PAK2: variants seen among roughly 807,000 people sequenced by gnomAD.
PAK2 encodes the protein serine/threonine-protein kinase PAK 2.
In PAK2, 21 loss-of-function variants were observed where a neutral mutation model predicts 65.9. The observed-to-expected ratio is 0.32, with a 90% CI of 0.23 to 0.46. The LOEUF (loss-of-function observed/expected upper bound fraction) is 0.46, where lower values mean the gene tolerates loss of function less well. Among genes scored for constraint, PAK2 ranks in the 20% least tolerant of loss-of-function variants. PAK2 has a pLI of 1.00. For synonymous variants in PAK2, 204 were observed against 219.7 expected (o/e 0.93, Z 0.63); for missense variants, 324 against 642.6 (o/e 0.50, Z 5.36).
chr3:196,764,309 C>T (rs1026928516), intron 1 of PAK2, among the ~76,000 whole-genome samples: 11 of 152,000 alleles, frequency 7.2e-5, no homozygotes, highest in African/African-American at 2.4e-4. Flanking sequence ...GATGGAACAT[C>T]GTATCTTAGA....
rs1715637612 is a variant in PAK2, at chr3:196,807,917, A to G, written c.709+3A>G. ...TGAAGAGATTATGGAGAAATTAAGT[A>G]TGTTATCTACATTTTACATCATTGT... On this transcript the variant is annotated splice_donor_region_variant and intron_variant, in intron 7 of 14. Transcript: ENST00000327134. 6.3e-7 allele frequency: 1 copy of G among 1,588,616 alleles called. No homozygotes were observed. The highest frequency in any genetic ancestry group is 8.6e-7 in the Non-Finnish European group (1 of 1,158,402).
intron 1 of PAK2, among the ~76,000 whole-genome samples, chr3:196,750,132 G>A (rs554387887): frequency 2.8e-4 from 43 of 151,912 alleles, no homozygotes; most frequent in Non-Finnish European, 5.6e-4. Flanking sequence ...GATTATAGGC[G>A]CCTGCCACCA....
At chr3:196,800,334 A>T (rs1234009930) in intron 2 of PAK2, among the ~76,000 whole-genome samples, 2 of 152,252 alleles carry the variant, frequency 1.3e-5, no homozygotes, top group South Asian at 4.2e-4. Context: ...GTGAGCTGAG[A>T]TCACGCCACT....
intron 1 of PAK2, among the ~76,000 whole-genome samples, chr3:196,777,195 G>T (rs554341589): frequency 1.7e-4 from 26 of 151,786 alleles, no homozygotes; most frequent in South Asian, 4.2e-4. Context: ...AAACAACTTG[G>T]TTTTTTTTGT....
chr3:196,777,951 A>G (rs368466124), intron 1 of PAK2, among the ~76,000 whole-genome samples: 4 of 152,220 alleles, frequency 2.6e-5, no homozygotes, highest in African/African-American at 9.6e-5. Context: ...GTTTTAGTGT[A>G]TTCACAGGGC....
chr3:196,808,722 G>A (rs1715672357), intron 7 of PAK2, among the ~76,000 whole-genome samples: 1 of 150,610 alleles, frequency 6.6e-6, no homozygotes, highest in Admixed American at 6.7e-5. Context: ...TTAGCAAGGT[G>A]TCATGGCAGG....
chr3:196,745,526 A>G (rs1713346125), intron 1 of PAK2, among the ~76,000 whole-genome samples: 1 of 152,044 alleles, frequency 6.6e-6, no homozygotes, highest in Non-Finnish European at 1.5e-5. Context: ...AGGTATAAAA[A>G]TATTTGGCCG....
chr3:196,776,193 C>T (rs899560123), intron 1 of PAK2, among the ~76,000 whole-genome samples: 3 of 152,158 alleles, frequency 2.0e-5, no homozygotes, highest in Admixed American at 6.5e-5. Flanking sequence ...TCAAATTGCT[C>T]GTTACTTTAA....
At chr3:196,751,663 T>TATATATATATATATA (rs1713589849) in intron 1 of PAK2, among the ~76,000 whole-genome samples, 1,228 of 45,166 alleles carry the variant, frequency 0.027, 143 homozygotes, top group Non-Finnish European at 0.033. Context: ...ACACACAAAT[T>TATATATATATATATA]TATTTATATA....
At chr3:196,802,656 A>G (rs1003500492) in intron 3 of PAK2, among the ~76,000 whole-genome samples, 2 of 152,098 alleles carry the variant, frequency 1.3e-5, no homozygotes, top group Non-Finnish European at 2.9e-5. Flanking sequence ...TATCCTGGCT[A>G]ACATGGTGAA....
intron 13 of PAK2, among the ~76,000 whole-genome samples, chr3:196,826,573 G>T (rs1345847765): frequency 6.6e-6 from 1 of 151,832 alleles, no homozygotes; most frequent in East Asian, 1.9e-4. Context: ...ACCTAAACAG[G>T]ATGGTCAATG....
At chr3:196,768,128 G>A (rs1714233407) in intron 1 of PAK2, among the ~76,000 whole-genome samples, 1 of 149,884 alleles carries the variant, frequency 6.7e-6, no homozygotes, top group Admixed American at 6.6e-5. Flanking sequence ...ATCATTATAA[G>A]TTTTAAAATG....
chr3:196,776,939 G>A (rs760684050), intron 1 of PAK2, among the ~76,000 whole-genome samples: 5 of 152,128 alleles, frequency 3.3e-5, no homozygotes, highest in Non-Finnish European at 5.9e-5. Context: ...TTTTCAGGTG[G>A]GTATCTGCGT....
At chr3:196,764,632 T>TA (rs369964344) in intron 1 of PAK2, among the ~76,000 whole-genome samples, 79,503 of 148,352 alleles carry the variant, frequency 0.54, 21,715 homozygotes, top group Non-Finnish European at 0.58. Context: ...AAAAAATAAA[T>TA]AAATAAATAC....
At chr3:196,764,841 CTTTT>C (rs57199433) in intron 1 of PAK2, among the ~76,000 whole-genome samples, 1 of 107,638 alleles carries the variant, frequency 9.3e-6, no homozygotes, top group Non-Finnish European at 1.9e-5. Flanking sequence ...TCTTTTCTTT[CTTTT>C]TTTTTTTTTT....
rs1472005156 is a variant in PAK2, at chr3:196,768,895, G to T, written c.-21-13731G>T. 5.3e-5 allele frequency among the ~76,000 whole-genome samples: 8 copies of T among 151,858 alleles called. 2 individuals carry two copies. In the South Asian group the frequency reaches 1.7e-3, roughly 32 times the overall value. ...TGCCCAGGATGGCCTCGAACTCCCA[G>T]ACCTCAAGTGATCCACCGCGCCCAG... On this transcript the variant is annotated intron_variant, in intron 1 of 14. Coordinates refer to ENST00000327134, the MANE Select transcript of PAK2 (RefSeq NM_002577.4).
chr3:196,757,155 C>T (rs956098584), intron 1 of PAK2, among the ~76,000 whole-genome samples: 1 of 152,052 alleles, frequency 6.6e-6, no homozygotes, highest in Non-Finnish European at 1.5e-5. Context: ...GTGGGAAGGA[C>T]GGTTAGGAAC....
intron 1 of PAK2, among the ~76,000 whole-genome samples, chr3:196,778,120 C>G (rs116701562): frequency 0.011 from 1,643 of 152,166 alleles, 15 homozygotes; most frequent in Non-Finnish European, 0.018. Flanking sequence ...CTGTGGATGC[C>G]CCTGTTCCGG....
intron 12 of PAK2, 28 bp downstream of exon 12, chr3:196,818,184 C>G (rs773377150): frequency 1.2e-6 from 1 of 837,782 alleles, no homozygotes; most frequent in East Asian, 2.4e-5. Flanking sequence ...AATTCACAAT[C>G]ATTTATTATA....
Sources: gnomAD v4.1 joint callset for allele counts (sites outside exome capture counted in the v4.1 genomes callset) on GRCh38, gnomAD v4.1.1 for gene constraint, MANE v1.5 for transcripts, NCBI Gene and HGNC (gene_info 2026-07-23, HGNC 2026-07-21) for gene names.